HIVEP3: variants seen among roughly 807,000 people sequenced by gnomAD.
The protein encoded by HIVEP3 is HIVEP zinc finger 3, also known as transcription factor HIVEP3.
HIVEP3 carries 49 observed loss-of-function variants against 152.8 expected under a neutral mutation model. The ratio of observed to expected loss-of-function variants is 0.32; its 90% CI spans 0.26 to 0.41. The LOEUF (loss-of-function observed/expected upper bound fraction) is 0.41, where lower values mean the gene tolerates loss of function less well. Ranked by LOEUF, HIVEP3 falls within the 10% of genes least tolerant of loss-of-function variation. The pLI is 1.00. For synonymous variants in HIVEP3, 1,269 were observed against 1,289.0 expected (o/e 0.98, Z 0.33); for missense variants, 2,790 against 3,103.3 (o/e 0.90, Z 2.40).
chr1:41,593,124 T>C (rs1280493501), intron 3 of HIVEP3, among the ~76,000 whole-genome samples: 1 of 152,198 alleles, frequency 6.6e-6, no homozygotes, highest in Non-Finnish European at 1.5e-5. Flanking sequence ...GGGAACTTTC[T>C]CCTTCTTTTA....
chr1:41,638,431 G>C (rs1371731872), intron 2 of HIVEP3, among the ~76,000 whole-genome samples: 3 of 149,708 alleles, frequency 2.0e-5, no homozygotes, highest in African/African-American at 5.1e-5. Flanking sequence ...AGAAAAGGAA[G>C]AAAGAAAGAA....
chr1:41,546,331 A>C (rs1026993849), intron 5 of HIVEP3, among the ~76,000 whole-genome samples: 22 of 152,212 alleles, frequency 1.4e-4, no homozygotes, highest in African/African-American at 4.6e-4. Context: ...TCTGTGCTCG[A>C]ATCAGCTCCC....
chr1:41,567,708 C>CTAG lies in HIVEP3; in HGVS notation c.5207+7835_5207+7836insCTA, dbSNP rs200472834. Among the ~76,000 whole-genome samples, 1,447 of 152,358 alleles carry CTAG rather than the reference C, an allele frequency of 9.5e-3. 23 individuals are homozygous for CTAG. The highest frequency in any genetic ancestry group is 0.033 in the African/African-American group (1,365 of 41,586). On this transcript the variant is annotated intron_variant, in intron 5 of 8. Coordinates refer to ENST00000372583, the MANE Select transcript of HIVEP3 (RefSeq NM_024503.5). Reference sequence around the variant, plus strand: ...CTCAGAGAAGGCCCTGGCCTGGGAGCTGGCCCACGAGCCATCCCTTTCTGG... The same window carrying CTAG: ...CTCAGAGAAGGCCCTGGCCTGGGAGCTAGTGGCCCACGAGCCATCCCTTTCTGG...
At chr1:41,949,322 G>A (rs184547349) in intron 1 of HIVEP3, among the ~76,000 whole-genome samples, 14 of 152,224 alleles carry the variant, frequency 9.2e-5, no homozygotes, top group Middle Eastern at 3.4e-3. Flanking sequence ...TCGCATTGGC[G>A]GTATCACAAC....
At chr1:42,012,338 T>A (rs905214028) in intron 1 of HIVEP3, among the ~76,000 whole-genome samples, 1 of 152,146 alleles carries the variant, frequency 6.6e-6, no homozygotes. Context: ...TAACCTCCAA[T>A]GTGATGTTAT....
intron 5 of HIVEP3, among the ~76,000 whole-genome samples, chr1:41,532,093 G>A (rs181270898): frequency 0.017 from 2,208 of 133,028 alleles, 41 homozygotes; most frequent in Middle Eastern, 0.039. Context: ...GATGGAAGAC[G>A]GGAGAGAGAG....
chr1:41,901,657 T>C (rs1644625718), intron 1 of HIVEP3, among the ~76,000 whole-genome samples: 1 of 152,118 alleles, frequency 6.6e-6, no homozygotes, highest in Non-Finnish European at 1.5e-5. Flanking sequence ...GTTAGGACAA[T>C]GTCACTGGCA....
intron 1 of HIVEP3, among the ~76,000 whole-genome samples, chr1:41,993,312 A>C (rs1645374619): frequency 6.6e-6 from 1 of 151,574 alleles, no homozygotes; most frequent in Non-Finnish European, 1.5e-5. Flanking sequence ...AGAAAAAAAC[A>C]AACAACCCCA....
In HIVEP3 at chr1:41,701,015, T is replaced by C. The variant is rs1013647833; in HGVS notation, c.-800-20A>G. ...GGAGGCCTGTGGGAAGTAGAGAAAG[T>C]GAGAATATTATGCCACCGCCATCTG... On this transcript the variant is annotated intron_variant, in intron 1 of 8. Transcript: ENST00000372583. 1 of 966,828 alleles carries C rather than the reference T, an allele frequency of 1.0e-6. No individual in the cohort carries two copies. Among genetic ancestry groups the C allele is most frequent in the Non-Finnish European group, 1.2e-6 (1 of 813,092 alleles). 59.9% of individuals were successfully genotyped at this position (966,828 alleles called of 1,614,324 possible). A position where few individuals can be genotyped will look rare whatever the true frequency, so the allele number is the denominator to read the frequency against.
At chr1:41,531,918 T>A (rs1399120756) in intron 5 of HIVEP3, among the ~76,000 whole-genome samples, 2 of 24,972 alleles carry the variant, frequency 8.0e-5, no homozygotes, top group African/African-American at 1.7e-4. Flanking sequence ...ATGGAGGACA[T>A]GAGAGGTAGA....
chr1:41,925,509 T>C (rs1048597537), intron 1 of HIVEP3, among the ~76,000 whole-genome samples: 2 of 152,168 alleles, frequency 1.3e-5, no homozygotes, highest in East Asian at 1.9e-4. Flanking sequence ...GGTCTTCACA[T>C]TGAGTAGGCT....
chr1:41,870,352 C>T (rs1212755590), intron 1 of HIVEP3, among the ~76,000 whole-genome samples: 1 of 152,202 alleles, frequency 6.6e-6, no homozygotes, highest in Non-Finnish European at 1.5e-5. Flanking sequence ...CGACTTATCA[C>T]TCTCTCTTTT....
At chr1:41,900,454 G>C (rs1644601987) in intron 1 of HIVEP3, among the ~76,000 whole-genome samples, 3 of 152,122 alleles carry the variant, frequency 2.0e-5, no homozygotes, top group African/African-American at 7.2e-5. Flanking sequence ...TAGAATTTTT[G>C]GTGCAAGGTG....
At chr1:41,527,276 CACACCCTCACAT>C (rs1643004174) in intron 5 of HIVEP3, among the ~76,000 whole-genome samples, 1 of 118,882 alleles carries the variant, frequency 8.4e-6, no homozygotes, top group Non-Finnish European at 1.8e-5. Context: ...CTCACCCTCA[CACACCCTCACAT>C]ACACCCTCAC....
chr1:41,549,832 C>T (rs1364405124), intron 5 of HIVEP3, among the ~76,000 whole-genome samples: 1 of 152,154 alleles, frequency 6.6e-6, no homozygotes, highest in Non-Finnish European at 1.5e-5. Flanking sequence ...GTTGCCTGTT[C>T]ACTCTGATGG....
In HIVEP3 at chr1:41,511,307, T is replaced by C; in HGVS notation, c.6406-41A>G. The C allele has an allele frequency of 1.3e-6, 2 of 1,503,776 alleles. No individual in the cohort carries two copies. The highest frequency in any genetic ancestry group is 1.8e-6 in the Non-Finnish European group (2 of 1,116,192). 93.2% of individuals were successfully genotyped at this position (1,503,776 alleles called of 1,614,324 possible). ...AAGACAAGGTAAGGTGAAGGTTACA[T>C]GCTGGGCACATGGGGAGCCGAGGCC... is the stretch of plus-strand genomic sequence containing the variant. On this transcript the variant is annotated intron_variant, in intron 8 of 8. Coordinates refer to ENST00000372583, the MANE Select transcript of HIVEP3 (RefSeq NM_024503.5). This position sits in a 1 kb window ranked among gnomAD's most constrained non-coding sequence, Gnocchi z 4.9.
intron 3 of HIVEP3, among the ~76,000 whole-genome samples, chr1:41,609,951 G>T (rs79295474): frequency 1.3e-5 from 2 of 152,188 alleles, no homozygotes; most frequent in African/African-American, 4.8e-5. Flanking sequence ...AAAGCAGACC[G>T]CTTTCCACAA....
At chr1:41,781,845 G>A (rs1160529586) in intron 1 of HIVEP3, among the ~76,000 whole-genome samples, 7 of 152,138 alleles carry the variant, frequency 4.6e-5, no homozygotes, top group East Asian at 1.9e-4. Flanking sequence ...GTCACTTGTC[G>A]CTCTTCAAGT....
chr1:41,694,769 G>A (rs562137589), intron 2 of HIVEP3, among the ~76,000 whole-genome samples: 22 of 152,140 alleles, frequency 1.4e-4, no homozygotes, highest in Admixed American at 5.2e-4. Flanking sequence ...TGTGCCTGTC[G>A]CTGAGCTAGA....
Sources: gnomAD v4.1 joint callset for allele counts (sites outside exome capture counted in the v4.1 genomes callset) on GRCh38, gnomAD v4.1.1 for gene constraint, Gnocchi (gnomAD v3.1) non-coding constraint, MANE v1.5 for transcripts, NCBI Gene and HGNC (gene_info 2026-07-23, HGNC 2026-07-21) for gene names.